DMD: variants seen among roughly 807,000 people sequenced by gnomAD.
The protein encoded by DMD is mutant dystrophin.
In DMD, 63 loss-of-function variants were observed where a neutral mutation model predicts 330.1. The observed-to-expected ratio is 0.19, with a 90% confidence interval of 0.16 to 0.24. The LOEUF is 0.24. Ranked by LOEUF, DMD falls within the 10% of genes least tolerant of loss-of-function variation. DMD has a pLI of 1.00. For missense variants in DMD, 3,344 were observed against 2,684.1 expected, an observed-to-expected ratio of 1.25 and a Z score of -5.43; for synonymous variants, 1,223 against 959.8, an observed-to-expected ratio of 1.27 and a Z score of -5.07.
intron 41 of DMD, among the ~76,000 whole-genome samples, chrX:32,336,054 C>CAT (rs1569558556): frequency 9.5e-5 from 4 of 42,070 alleles, no homozygotes; most frequent in Non-Finnish European, 2.3e-4. Context: ...GTATATATAA[C>CAT]GTTATATATA....
chrX:32,818,089 T>C (rs748590790), intron 5 of DMD, among the ~76,000 whole-genome samples: 1 of 112,128 alleles, frequency 8.9e-6, no homozygotes, highest in Non-Finnish European at 1.9e-5. Context: ...TCAACCTTTA[T>C]GTACAGTGAC....
At chrX:32,482,806 T>C (rs2042029324) in intron 21 of DMD, among the ~76,000 whole-genome samples, 1 of 110,956 alleles carries the variant, frequency 9.0e-6, no homozygotes. Context: ...TATCTTTTTA[T>C]ATTATTTTCT....
In DMD at chrX:32,656,428, G is replaced by T. The variant is rs1013017416; in HGVS notation, c.961-11276C>A. The stretch of plus-strand genomic sequence containing the variant: ...ATTTAAGAGAAGTAAGTCTGAAAGA[G>T]AAACAAACTCATTTTTTAGTTCATC... On this transcript the variant is annotated intron_variant, in intron 9 of 78. Coordinates refer to ENST00000357033, the MANE Select transcript of DMD (RefSeq NM_004006.3). Among the ~76,000 whole-genome samples the T allele has an allele frequency of 7.1e-5, 8 of 111,931 alleles. 1 individual carries two copies. The South Asian group carries it at 3.0e-3, about 42-fold the overall frequency.
At position 31,323,654 on chromosome X, in the gene DMD, A is replaced by G; in HGVS notation, c.9168T>C (p.Ser3056=). ...TGGCTCTCTCCCAGGGACCCTGGAC[A>G]GACGCTGAAAAGAAGGGAGGAAAAA... The part of the protein sequence containing the change: ...GPASQHFLST[S]VQGPWERAIS... The change falls in exon 62 of 79, where the codon TCT becomes TCC. Residue 3056 remains serine, a synonymous_variant. Coordinates refer to ENST00000357033, the MANE Select transcript of DMD (RefSeq NM_004006.3). 1 of 1,209,370 alleles carries G rather than the reference A, an allele frequency of 8.3e-7. No homozygotes were observed. Among genetic ancestry groups the G allele is most frequent in the Non-Finnish European group, 1.1e-6 (1 of 893,692 alleles).
rs1473762875 is a variant in DMD at position 32,691,996 on chromosome X, G to C, written c.960+5874C>G. On this transcript the variant is annotated intron_variant, in intron 9 of 78. Coordinates refer to ENST00000357033, the MANE Select transcript of DMD (RefSeq NM_004006.3). ...AGAGAGTGAAATAGTAGTTGCTAGAGGCTGTGGAGAGGAGGAAGTGGGAAG... is the reference window on the plus strand; with the variant it reads ...AGAGAGTGAAATAGTAGTTGCTAGACGCTGTGGAGAGGAGGAAGTGGGAAG... Among the ~76,000 whole-genome samples the C allele has an allele frequency of 3.6e-5, 4 of 111,165 alleles. No homozygotes were observed. The East Asian group carries it at 1.1e-3, about 32-fold the overall frequency.
chrX:33,283,085 C>T (rs1197842347), intron 1 of DMD, among the ~76,000 whole-genome samples: 1 of 112,000 alleles, frequency 8.9e-6, no homozygotes, highest in African/African-American at 3.3e-5. Context: ...TATGTTTTAA[C>T]ACGTGATTCA....
chrX:31,128,721 G>A (rs2034076139), intron 77 of DMD, among the ~76,000 whole-genome samples: 1 of 111,482 alleles, frequency 9.0e-6, no homozygotes, highest in South Asian at 3.7e-4. Context: ...CATATTTTAT[G>A]AAAATGGACC....
chrX:31,716,525 T>C (rs1226070489), intron 52 of DMD, among the ~76,000 whole-genome samples: 1 of 110,062 alleles, frequency 9.1e-6, no homozygotes, highest in African/African-American at 3.3e-5. Context: ...CACTCCAGCC[T>C]GGGCAACAAG....
chrX:32,049,705 C>A (rs1219540572), intron 44 of DMD, among the ~76,000 whole-genome samples: 1 of 111,339 alleles, frequency 9.0e-6, no homozygotes, highest in Non-Finnish European at 1.9e-5. Context: ...AGCTCTTTAC[C>A]TCCTCTAGTA....
At position 31,336,356 on chromosome X, in the gene DMD, G is replaced by C. The variant is rs181676097; in HGVS notation, c.9163+12200C>G. Among the ~76,000 whole-genome samples the C allele has an allele frequency of 2.7e-3, 304 of 112,051 alleles. 1 individual carries two copies. Among genetic ancestry groups the C allele is most frequent in the African/African-American group, 9.6e-3 (296 of 30,897 alleles). On this transcript the variant is annotated intron_variant, in intron 61 of 78. Coordinates refer to ENST00000357033, the MANE Select transcript of DMD (RefSeq NM_004006.3). ...GTGCTACTGGCATGTAGTGAGTAGA[G>C]GCCAGAGATAATGCACAGGACAGCC...
chrX:32,939,499 G>T, intron 2 of DMD, among the ~76,000 whole-genome samples: 1 of 110,834 alleles, frequency 9.0e-6, no homozygotes, highest in Admixed American at 9.7e-5. Flanking sequence ...AAGCCAAAGG[G>T]CATCTTCTTG....
chrX:31,138,664 AG>A (rs2035602777), intron 76 of DMD, among the ~76,000 whole-genome samples: 1 of 42,249 alleles, frequency 2.4e-5, no homozygotes, highest in African/African-American at 6.1e-5. Flanking sequence ...AGAGAGAGAG[AG>A]AGAGAGAGAG....
chrX:31,241,215 T>C (rs922176017), intron 63 of DMD, among the ~76,000 whole-genome samples: 1 of 111,804 alleles, frequency 8.9e-6, no homozygotes, highest in African/African-American at 3.3e-5. Context: ...CTCTTCAAAA[T>C]GCCACTGTCC....
At chrX:32,318,660 A>G (rs1165169374) in intron 41 of DMD, among the ~76,000 whole-genome samples, 2 of 111,797 alleles carry the variant, frequency 1.8e-5, no homozygotes, top group Non-Finnish European at 3.8e-5. Flanking sequence ...TGTCCATCTC[A>G]GAATAATTAT....
intron 2 of DMD, among the ~76,000 whole-genome samples, chrX:32,948,860 T>C (rs1291127704): frequency 6.2e-5 from 7 of 112,089 alleles, no homozygotes; most frequent in Non-Finnish European, 1.3e-4. Flanking sequence ...CCTTTAAATA[T>C]TACATCATGC....
At chrX:33,026,945 G>A (rs1286000836) in intron 1 of DMD, among the ~76,000 whole-genome samples, 1 of 111,754 alleles carries the variant, frequency 8.9e-6, no homozygotes, top group African/African-American at 3.3e-5. Context: ...CTCAATAAAG[G>A]TGTTTTAAGT....
intron 17 of DMD, among the ~76,000 whole-genome samples, chrX:32,544,243 A>G (rs1628678): frequency 0.31 from 34,187 of 110,170 alleles, 4,351 homozygotes; most frequent in East Asian, 0.54. Flanking sequence ...AGTACTAAAC[A>G]TCCCAAATAA....
At chrX:32,358,596 A>G (rs1224337687) in intron 37 of DMD, among the ~76,000 whole-genome samples, 1 of 111,928 alleles carries the variant, frequency 8.9e-6, no homozygotes, top group African/African-American at 3.3e-5. Flanking sequence ...AAAAGGCAGC[A>G]TTTTTATGTA....
chrX:32,608,979 T>C (rs1325933114), intron 12 of DMD, among the ~76,000 whole-genome samples: 2 of 111,092 alleles, frequency 1.8e-5, no homozygotes, highest in East Asian at 2.9e-4. Flanking sequence ...CCTATGGCAC[T>C]GTCAAACTTA....
Sources: gnomAD v4.1 joint callset for allele counts (sites outside exome capture counted in the v4.1 genomes callset) on GRCh38, gnomAD v4.1.1 for gene constraint, MANE v1.5 for transcripts, NCBI Gene and HGNC (gene_info 2026-07-23, HGNC 2026-07-21) for gene names.